The following PKD1 variants were observed in gnomAD, a reference collection of about 807,000 sequenced individuals.
The protein encoded by PKD1 is polycystin-1.
In PKD1, 81 loss-of-function variants were observed where a neutral mutation model predicts 361.7. The ratio of observed to expected loss-of-function variants is 0.22; its 90% CI spans 0.19 to 0.27. PKD1 has a LOEUF of 0.27. Ranked by LOEUF, PKD1 falls within the 10% of genes least tolerant of loss-of-function variation. PKD1 has a pLI of 1.00. For missense variants in PKD1, 6,399 were observed against 6,118.3 expected (o/e 1.05, Z -1.53); for synonymous variants, 3,615 against 2,818.3 (o/e 1.28, Z -8.95).
intron 1 of PKD1, among the ~76,000 whole-genome samples, chr16:2,126,596 C>A (rs2092803042): frequency 6.6e-6 from 1 of 152,270 alleles, no homozygotes; most frequent in Non-Finnish European, 1.5e-5. Context: ...GACTGTGGCG[C>A]CCCCGCTGCT....
In PKD1 at chr16:2,103,850, G is replaced by A. The variant is rs760592410; in HGVS notation, c.8207C>T (p.Pro2736Leu). The A allele has an allele frequency of 8.7e-6, 14 of 1,606,430 alleles. No homozygotes were observed. The Admixed American group carries it at 1.3e-4, about 15-fold the overall frequency. Residue 2736 changes from proline (P) to leucine (L), a missense_variant, in exon 23 of 46, where the codon CCC (proline) becomes CTC (leucine). Coordinates refer to ENST00000262304, the MANE Select transcript of PKD1 (RefSeq NM_001009944.3). ...TGGTGACTCGGCTCCCAGCTCTGAGGGCTGTGGTGCCCGCACGTCCGAGCT... is the reference window on the plus strand; with the variant it reads ...TGGTGACTCGGCTCCCAGCTCTGAGAGCTGTGGTGCCCGCACGTCCGAGCT... ...LASSDVRAPQ[P>L]SELGAESPSR...
chr16:2,113,795 G>A lies in PKD1; in HGVS notation c.2853+375C>T, dbSNP rs567014952. 1.2e-3 allele frequency: 482 copies of A among 398,292 alleles called. 4 individuals are homozygous for A. Among genetic ancestry groups the A allele is most frequent in the South Asian group, 0.011 (463 of 41,856 alleles). 24.7% of individuals were successfully genotyped at this position (398,292 alleles called of 1,614,324 possible). A position where few individuals can be genotyped will look rare whatever the true frequency, so the allele number is the denominator to read the frequency against. ...CATGTACCCAGCATGGTGGCACCGCGGGCAGCCCGCAGTTTCCCATCAGGG... is the reference window on the plus strand; with the variant it reads ...CATGTACCCAGCATGGTGGCACCGCAGGCAGCCCGCAGTTTCCCATCAGGG... On this transcript the variant is annotated intron_variant, in intron 11 of 45. Transcript: ENST00000262304.
intron 38 of PKD1, 170 bp from the exon 39 acceptor site, chr16:2,092,762 A>G (rs1206874089): frequency 2.4e-6 from 2 of 838,540 alleles, no homozygotes; most frequent in Non-Finnish European, 4.0e-6. Context: ...GTTGTCTGTC[A>G]TGGGCCCGTC....
In PKD1 at chr16:2,089,651, G is replaced by C; in HGVS notation, c.*76C>G. The stretch of plus-strand genomic sequence containing the variant: ...GTGCAGCCATTCTGCCTGGCCCTCG[G>C]CCTTGACAGCGGCAGAAAGTAATAC... On this transcript the variant is annotated 3_prime_UTR_variant, in exon 46 of 46. Coordinates refer to ENST00000262304, the MANE Select transcript of PKD1 (RefSeq NM_001009944.3). The C allele has an allele frequency of 3.9e-6, 6 of 1,520,294 alleles. No individual in the cohort carries two copies. Among genetic ancestry groups the C allele is most frequent in the South Asian group, 1.2e-5 (1 of 83,196 alleles). The allele number at this position is 1,520,294 out of a possible 1,614,324, so 94.2% of individuals were successfully genotyped here.
Position 2,110,350 on chromosome 16 carries a change from G to C in PKD1, c.4817C>G (p.Thr1606Ser), listed in dbSNP as rs757951188. The change falls in exon 15 of 46, where the codon ACC (threonine) becomes AGC (serine). Residue 1606 changes from threonine (T) to serine (S), a missense_variant. Physicochemically the swap from Thr to Ser is moderately conservative, Grantham distance 58. Coordinates refer to ENST00000262304, the MANE Select transcript of PKD1 (RefSeq NM_001009944.3). ...CTCAGCCGTGACGATGATATTGAAG[G>C]TGCCCACGGAGCGGAAGGTGTAAGA... ...TISYTFRSVG[T>S]FNIIVTAENE... 3.1e-6 allele frequency: 5 copies of C among 1,612,658 alleles called. No homozygotes were observed. The East Asian group carries it at 1.1e-4, about 36-fold the overall frequency.
intron 1 of PKD1, among the ~76,000 whole-genome samples, chr16:2,125,777 G>A (rs1482428400): frequency 1.3e-5 from 2 of 151,868 alleles, no homozygotes; most frequent in African/African-American, 4.9e-5. Flanking sequence ...TGGTGCCCCT[G>A]CACGCAGCTG....
intron 30 of PKD1, 76 bp downstream of exon 30, chr16:2,099,568 A>T (rs912296545): frequency 2.2e-5 from 32 of 1,433,372 alleles, no homozygotes; most frequent in Non-Finnish European, 2.8e-5. Context: ...GCAGCACTGG[A>T]AAGTGGCGGC....
In PKD1 at chr16:2,113,414, C is replaced by T. The variant is rs1360605382; in HGVS notation, c.2854-122G>A. The T allele has an allele frequency of 3.7e-6, 4 of 1,068,778 alleles. No individual in the cohort carries two copies. In the African/African-American group the frequency reaches 6.2e-5, roughly 17 times the overall value. 66.2% of individuals were successfully genotyped at this position (1,068,778 alleles called of 1,614,324 possible). On this transcript the variant is annotated intron_variant, in intron 11 of 45. Transcript: ENST00000262304. The stretch of plus-strand genomic sequence containing the variant: ...CGCGGGGCACAGAGGAGAGGAGGTG[C>T]CCGGGGCTCTGCATGCCATGGGAGC...
At chr16:2,127,079 C>T (rs187377091) in intron 1 of PKD1, among the ~76,000 whole-genome samples, 56 of 152,110 alleles carry the variant, frequency 3.7e-4, no homozygotes, top group African/African-American at 1.3e-3. Flanking sequence ...GGAAGGGGGA[C>T]GTCGAGGCTC....
At position 2,106,011 on chromosome 16, in the gene PKD1, T is replaced by A. The variant is rs1416264683; in HGVS notation, c.7717A>T (p.Thr2573Ser). 6.2e-7 allele frequency: 1 copy of A among 1,604,604 alleles called. No individual in the cohort carries two copies. The highest frequency in any genetic ancestry group is 1.7e-5 in the Admixed American group (1 of 59,878). Reference protein sequence around the residue: ...VVALNRSLAITLPEPNGSATG... With the variant: ...VVALNRSLAISLPEPNGSATG... ...GCGCTGCCGTTGGGCTCTGGGAGGG[T>A]GATGGCCAAAGACCTACGAGCAGAG... The change falls in exon 20 of 46, where the codon ACC (threonine) becomes TCC (serine). Residue 2573 changes from threonine to serine, a missense_variant. Transcript: ENST00000262304. The surrounding 1 kb of genome is among the most constrained non-coding windows in gnomAD (Gnocchi z 6.5).
intron 39 of PKD1, 52 bp downstream of exon 39, chr16:2,092,428 T>G: frequency 1.6e-6 from 2 of 1,282,938 alleles, no homozygotes; most frequent in Non-Finnish European, 2.3e-6. Flanking sequence ...TAAAGGCTGC[T>G]CTCTCAACAA....
rs1437262392 is a variant in PKD1 at position 2,089,880 on chromosome 16, C to T, written c.12759G>A (p.Arg4253=). 2 of 1,610,192 alleles carry T rather than the reference C, an allele frequency of 1.2e-6. No homozygotes were observed. Among genetic ancestry groups the T allele is most frequent in the African/African-American group, 2.7e-5 (2 of 74,914 alleles). Residue 4253 remains arginine, a synonymous_variant, in exon 46 of 46, where the codon CGG becomes CGA. Coordinates refer to ENST00000262304, the MANE Select transcript of PKD1 (RefSeq NM_001009944.3). ...LHSLQGRRSS[R]APAGSSRGPS... ...GGCCACGGGAAGATCCGGCGGGCGC[C>T]CGGCTGCTCCTGCGGCCTTGCAGGC...
chr16:2,097,282 G>T (rs776901964), intron 33 of PKD1, 37 bp downstream of exon 33: 7 of 1,609,350 alleles, frequency 4.3e-6, no homozygotes, highest in Non-Finnish European at 5.1e-6. Context: ...AGCTGCAAGG[G>T]TGAGCTTCAG....
chr16:2,129,199 G>A (rs550547705), intron 1 of PKD1, among the ~76,000 whole-genome samples: 97 of 139,948 alleles, frequency 6.9e-4, no homozygotes, highest in Non-Finnish European at 1.1e-3. Context: ...TTTCCTAGTC[G>A]CCCAGGCTGG....
At position 2,089,358 on chromosome 16, in the gene PKD1, C is replaced by A. The variant is rs573566934; in HGVS notation, c.*369G>T. Reference sequence around the variant, plus strand: ...AGGTAATAACTTAGGGGCAGGGTGGCGGCGGTGCAGGCTAACCCTCCCTGA... The same window carrying A: ...AGGTAATAACTTAGGGGCAGGGTGGAGGCGGTGCAGGCTAACCCTCCCTGA... On this transcript the variant is annotated 3_prime_UTR_variant, in exon 46 of 46. Coordinates refer to ENST00000262304, the MANE Select transcript of PKD1 (RefSeq NM_001009944.3). The A allele has an allele frequency of 1.1e-5, 4 of 353,400 alleles. No individual in the cohort carries two copies. The highest frequency in any genetic ancestry group is 2.1e-5 in the Non-Finnish European group (4 of 190,950). 21.9% of individuals were successfully genotyped at this position (353,400 alleles called of 1,614,324 possible).
rs773618313 is a variant in PKD1, at chr16:2,113,281, G to A, written c.2865C>T (p.Pro955=). The part of the protein sequence containing the change: ...VLQGVLVRYS[P]VVEAGSDMVF... Reference sequence around the variant, plus strand: ...CCATGTCCGAGCCGGCCTCCACCACGGGGCTGTACCTCTGCGGGGGGAATG... The same window carrying A: ...CCATGTCCGAGCCGGCCTCCACCACAGGGCTGTACCTCTGCGGGGGGAATG... The change falls in exon 12 of 46, where the codon CCC becomes CCT. Residue 955 remains proline (P), a synonymous_variant. Coordinates refer to ENST00000262304, the MANE Select transcript of PKD1 (RefSeq NM_001009944.3). 32 of 1,594,004 alleles carry A rather than the reference G, an allele frequency of 2.0e-5. No homozygotes were observed. The highest frequency in any genetic ancestry group is 1.4e-4 in the South Asian group (13 of 90,922).
chr16:2,097,883 T>C lies in PKD1; in HGVS notation c.10152A>G (p.Ser3384=), dbSNP rs772348495. The part of the protein sequence containing the change: ...SVLDSSFLTF[S]GLHAEQAFVG... ...GAGTCCTCACCTCAGCGTGGAGGCC[T>C]GAGAACGTGAGGAAGGAGCTGTCCA... The change falls in exon 31 of 46, where the codon TCA becomes TCG. Residue 3384 remains serine, a synonymous_variant. Coordinates refer to ENST00000262304, the MANE Select transcript of PKD1 (RefSeq NM_001009944.3). 5.6e-6 allele frequency: 9 copies of C among 1,601,444 alleles called. No individual in the cohort carries two copies. Among genetic ancestry groups the C allele is most frequent in the South Asian group, 5.5e-5 (5 of 90,784 alleles).
Position 2,094,082 on chromosome 16 carries a change from G to A in PKD1, c.10618+10C>T, listed in dbSNP as rs1238491813. 7.6e-6 allele frequency: 12 copies of A among 1,587,482 alleles called. No homozygotes were observed. The highest frequency in any genetic ancestry group is 4.5e-5 in the East Asian group (2 of 43,988). On this transcript the variant is annotated intron_variant, in intron 35 of 45. Coordinates refer to ENST00000262304, the MANE Select transcript of PKD1 (RefSeq NM_001009944.3). ...GGGGCTAGGGGCATCCCGGGGCTAC[G>A]CAAGCACACCTGTCCTGGACAGCCT...
intron 1 of PKD1, 180 bp from the exon 2 acceptor site, chr16:2,119,558 G>T (rs2092689116): frequency 1.5e-6 from 1 of 665,724 alleles, no homozygotes; most frequent in African/African-American, 1.8e-5. Flanking sequence ...CTCATCTGGG[G>T]AAACCAAGCC....
Sources: allele counts gnomAD v4.1 joint callset (sites outside exome capture counted in the v4.1 genomes callset), GRCh38; gene constraint gnomAD v4.1.1; non-coding constraint Gnocchi (gnomAD v3.1); transcripts MANE v1.5; gene names NCBI Gene and HGNC (gene_info 2026-07-23, HGNC 2026-07-21).